Variants in ESRRG observed in about 807,000 individuals in gnomAD.
ESRRG encodes estrogen related receptor gamma, also known as estrogen-related receptor gamma.
ESRRG carries 13 observed loss-of-function variants against 44.0 expected under a neutral mutation model. That is an observed-to-expected ratio of 0.30 (90% CI 0.19 to 0.47). The LOEUF (loss-of-function observed/expected upper bound fraction) is 0.47, where lower values mean the gene tolerates loss of function less well. ESRRG is among the 20% of genes least tolerant of loss of function. The pLI is 1.00. For missense variants in ESRRG, 395 were observed against 580.6 expected, an observed-to-expected ratio of 0.68 and a Z score of 3.29; for synonymous variants, 215 against 214.6, an observed-to-expected ratio of 1.00 and a Z score of -0.02.
chr1:216,878,056 C>T (rs958258630), intron 2 of ESRRG, among the ~76,000 whole-genome samples: 4 of 152,210 alleles, frequency 2.6e-5, no homozygotes, highest in African/African-American at 9.6e-5. Flanking sequence ...CAGCAGTCTA[C>T]AGTTCTACAA....
At chr1:216,900,419 G>A (rs1016253826) in intron 2 of ESRRG, among the ~76,000 whole-genome samples, 1 of 152,192 alleles carries the variant, frequency 6.6e-6, no homozygotes, top group Non-Finnish European at 1.5e-5. Flanking sequence ...TGGTGTTCAG[G>A]CTGCTGACAC....
chr1:216,573,868 A>C (rs2149700975), intron 3 of ESRRG, among the ~76,000 whole-genome samples: 1 of 152,192 alleles, frequency 6.6e-6, no homozygotes, highest in Middle Eastern at 3.4e-3. Flanking sequence ...AAATATTCAA[A>C]CCAACCATTT....
At chr1:216,904,272 A>G (rs1305902989) in intron 2 of ESRRG, among the ~76,000 whole-genome samples, 9 of 151,844 alleles carry the variant, frequency 5.9e-5, no homozygotes, top group Admixed American at 5.9e-4. Context: ...ACAACAACAG[A>G]CCCTCACAGA....
chr1:216,804,935 G>A (rs1022767671), intron 2 of ESRRG: 1 of 152,148 alleles, frequency 6.6e-6, no homozygotes, highest in African/African-American at 2.4e-5. Context: ...GAGGAACATT[G>A]TACTTACAAT....
intron 2 of ESRRG, among the ~76,000 whole-genome samples, chr1:216,761,773 A>G (rs986919224): frequency 3.3e-5 from 5 of 152,174 alleles, no homozygotes; most frequent in Non-Finnish European, 5.9e-5. Context: ...GAAAATTGAT[A>G]TGGCTCATTT....
intron 3 of ESRRG, among the ~76,000 whole-genome samples, chr1:216,628,101 T>C (rs566286357): frequency 1.3e-5 from 2 of 152,346 alleles, no homozygotes; most frequent in South Asian, 4.1e-4. Context: ...ATCTTCATGA[T>C]TAGAATAATG....
intron 6 of ESRRG, among the ~76,000 whole-genome samples, chr1:216,517,125 G>C (rs1193386750): frequency 6.6e-6 from 1 of 152,182 alleles, no homozygotes; most frequent in African/African-American, 2.4e-5. Flanking sequence ...TTTTGGGACA[G>C]AGACTTTTTT....
Position 216,560,174 on chromosome 1 carries a change from T to C in ESRRG, c.862+4045A>G, listed in dbSNP as rs555102657. On this transcript the variant is annotated intron_variant, in intron 5 of 6. Transcript: ENST00000408911. ...TTCCTTATGTAGTTTTCTTTTAGAG[T>C]TTAATAACTCCTGCCTCCAGTTGAT... Among the ~76,000 whole-genome samples the C allele has an allele frequency of 4.8e-4, 73 of 152,242 alleles. 2 individuals are homozygous for C. The South Asian group carries it at 0.015, about 31-fold the overall frequency.
At chr1:216,931,014 T>G (rs1176579711) in intron 2 of ESRRG, among the ~76,000 whole-genome samples, 1 of 152,190 alleles carries the variant, frequency 6.6e-6, no homozygotes, top group Non-Finnish European at 1.5e-5. Flanking sequence ...GGAACTCATG[T>G]GATTTTTGTA....
intron 6 of ESRRG, among the ~76,000 whole-genome samples, chr1:216,515,517 A>G (rs1260572916): frequency 6.6e-6 from 1 of 152,114 alleles, no homozygotes; most frequent in African/African-American, 2.4e-5. Context: ...ATACATAACC[A>G]TTTGTCCTTA....
In ESRRG at chr1:216,677,368, G is replaced by T; in HGVS notation, c.180C>A (p.Gly60=). ...TDSVNHHSPG[G]SSDASGSYSS... is the part of the protein sequence containing the mutation. The stretch of plus-strand genomic sequence containing the variant: ...TGTAGCTCCCACTGGCGTCTGAAGA[G>T]CCACCAGGGCTGTGGTGGTTGACGC... The change falls in exon 2 of 7, where the codon GGC becomes GGA. Residue 60 remains glycine (G), a synonymous_variant. Coordinates refer to ENST00000408911, the MANE Select transcript of ESRRG (RefSeq NM_001438.4). 6.2e-7 allele frequency: 1 copy of T among 1,614,166 alleles called. No homozygotes were observed. The highest frequency in any genetic ancestry group is 8.5e-7 in the Non-Finnish European group (1 of 1,180,018).
intron 3 of ESRRG, among the ~76,000 whole-genome samples, chr1:216,640,293 G>T (rs1018567659): frequency 9.9e-5 from 15 of 152,112 alleles, no homozygotes; most frequent in Admixed American, 3.3e-4. Context: ...GCTAGCACCG[G>T]GCACCTCAGA....
intron 1 of ESRRG, among the ~76,000 whole-genome samples, chr1:217,107,944 G>T (rs963671447): frequency 1.3e-5 from 2 of 151,608 alleles, no homozygotes; most frequent in Non-Finnish European, 2.9e-5. Flanking sequence ...AAACAGACTA[G>T]CCCATTTGAG....
intron 1 of ESRRG, among the ~76,000 whole-genome samples, chr1:217,058,259 T>G (rs1473002278): frequency 6.6e-6 from 1 of 152,076 alleles, no homozygotes; most frequent in Non-Finnish European, 1.5e-5. Flanking sequence ...TAGAAGAAAA[T>G]AGAGTAGCCT....
At chr1:216,890,921 CACCCA>C (rs1246483065) in intron 2 of ESRRG, among the ~76,000 whole-genome samples, 1 of 152,122 alleles carries the variant, frequency 6.6e-6, no homozygotes, top group Non-Finnish European at 1.5e-5. Context: ...TTAATTTCCC[CACCCA>C]ACTCCTGAAC....
intron 1 of ESRRG, among the ~76,000 whole-genome samples, chr1:216,988,100 C>T (rs2075146942): frequency 6.6e-6 from 1 of 152,014 alleles, no homozygotes; most frequent in Non-Finnish European, 1.5e-5. Context: ...GGAGTCTGTT[C>T]CTGCAGAAAC....
chr1:216,837,410 C>CAAAAAAAA (rs3072231), intron 2 of ESRRG, among the ~76,000 whole-genome samples: 3,574 of 148,108 alleles, frequency 0.024, 133 homozygotes, highest in African/African-American at 0.077. Context: ...GACTCCGTAT[C>CAAAAAAAA]AAAAAAAAAA....
intron 2 of ESRRG, among the ~76,000 whole-genome samples, chr1:216,671,751 TG>T (rs2075223595): frequency 6.6e-6 from 1 of 152,136 alleles, no homozygotes; most frequent in Non-Finnish European, 1.5e-5. Flanking sequence ...CTTTTAAATG[TG>T]GGGGAAAGAA....
intron 2 of ESRRG, among the ~76,000 whole-genome samples, chr1:216,842,914 A>G (rs1359496810): frequency 1.3e-5 from 2 of 152,194 alleles, no homozygotes; most frequent in Non-Finnish European, 2.9e-5. Flanking sequence ...AGAATTTCAT[A>G]AAAACCAGTA....
Sources: allele counts gnomAD v4.1 joint callset (sites outside exome capture counted in the v4.1 genomes callset), GRCh38; gene constraint gnomAD v4.1.1; transcripts MANE v1.5; gene names NCBI Gene and HGNC (gene_info 2026-07-23, HGNC 2026-07-21).